Variants in LRMDA observed in about 807,000 individuals in gnomAD.
LRMDA encodes leucine rich melanocyte differentiation associated.
LRMDA carries 18 observed loss-of-function variants against 29.8 expected under a neutral mutation model. That is an observed-to-expected ratio of 0.60 (90% confidence interval 0.42 to 0.90). The LOEUF is 0.90. LRMDA is among the 40% of genes least tolerant of loss of function. The pLI is 0.00. For synonymous variants in LRMDA, 125 were observed against 109.4 expected (o/e 1.14, Z -0.89); for missense variants, 273 against 273.9 (o/e 1.00, Z 0.02).
chr10:75,894,568 T>C (rs528813558), intron 2 of LRMDA, among the ~76,000 whole-genome samples: 1 of 152,212 alleles, frequency 6.6e-6, no homozygotes, highest in Non-Finnish European at 1.5e-5. Context: ...CAAAAGTAGA[T>C]CTACCCCCAG....
chr10:76,054,088 T>A, intron 4 of LRMDA, among the ~76,000 whole-genome samples: 1 of 152,210 alleles, frequency 6.6e-6, no homozygotes, highest in East Asian at 1.9e-4. Context: ...TGTTGGTACT[T>A]GACTCAGGTC....
At chr10:75,676,738 AG>A (rs368467374) in intron 2 of LRMDA, among the ~76,000 whole-genome samples, 20 of 152,236 alleles carry the variant, frequency 1.3e-4, no homozygotes, top group African/African-American at 1.7e-4. Context: ...TCTCTGAAGG[AG>A]TGATTTTCTA....
chr10:76,176,995 A>G (rs1850948418), intron 5 of LRMDA, among the ~76,000 whole-genome samples: 1 of 152,174 alleles, frequency 6.6e-6, no homozygotes, highest in Admixed American at 6.5e-5. Context: ...TGATTTTCCA[A>G]TAGAGTCTTC....
intron 2 of LRMDA, among the ~76,000 whole-genome samples, chr10:75,584,130 C>T (rs1303166270): frequency 6.6e-6 from 1 of 152,162 alleles, no homozygotes; most frequent in African/African-American, 2.4e-5. Context: ...TGCTTTTTCC[C>T]ACAGCTAGCC....
At chr10:75,791,672 T>G (rs1051931971) in intron 2 of LRMDA, among the ~76,000 whole-genome samples, 13 of 152,286 alleles carry the variant, frequency 8.5e-5, no homozygotes, top group African/African-American at 3.1e-4. Context: ...GTAGCTTATT[T>G]TCTAAGGATC....
At chr10:75,870,619 C>G (rs943370633) in intron 2 of LRMDA, among the ~76,000 whole-genome samples, 1 of 152,234 alleles carries the variant, frequency 6.6e-6, no homozygotes, top group African/African-American at 2.4e-5. Flanking sequence ...TCCATCCTCT[C>G]TGCAGCACCT....
chr10:75,477,269 C>T (rs1318041123), intron 2 of LRMDA, among the ~76,000 whole-genome samples: 1 of 152,142 alleles, frequency 6.6e-6, no homozygotes, highest in Non-Finnish European at 1.5e-5. Context: ...CTTGTGAAGA[C>T]ACCAGTCATG....
rs539123872 is a variant in LRMDA at position 76,227,845 on chromosome 10, G to A, written c.517-96556G>A. Among the ~76,000 whole-genome samples the A allele has an allele frequency of 5.9e-5, 9 of 152,094 alleles. No homozygotes were observed. In the East Asian group the frequency reaches 1.7e-3, roughly 29 times the overall value. ...TTTTAGGCCATAAGAGGGATATAGA[G>A]GTATAAGAAGAGAAACTCACAGAGT... On this transcript the variant is annotated intron_variant, in intron 5 of 6. Transcript: ENST00000611255.
In LRMDA at chr10:76,223,341, A is replaced by G. The variant is rs1333030723; in HGVS notation, c.517-101060A>G. ...TTAGGAAATTTCATATTCAAGCTACAGAAGAATTACCTGGTCCAGCCATTT... is the reference window on the plus strand; with the variant it reads ...TTAGGAAATTTCATATTCAAGCTACGGAAGAATTACCTGGTCCAGCCATTT... On this transcript the variant is annotated intron_variant, in intron 5 of 6. Transcript: ENST00000611255. Among the ~76,000 whole-genome samples the G allele has an allele frequency of 2.6e-5, 4 of 152,204 alleles. No individual in the cohort carries two copies. In the East Asian group the frequency reaches 5.8e-4, roughly 22 times the overall value.
rs192880065 is a variant in LRMDA, at chr10:75,787,333, G to A, written c.132-248675G>A. Among the ~76,000 whole-genome samples, 39 of 152,256 alleles carry A rather than the reference G, an allele frequency of 2.6e-4. No homozygotes were observed. The South Asian group carries it at 3.3e-3, about 13-fold the overall frequency. The stretch of plus-strand genomic sequence containing the variant: ...CCTGGGTTGGAGACGTCAGCCTGGC[G>A]GCATAGCCTGTGCTTTCCCCATTAC... On this transcript the variant is annotated intron_variant, in intron 2 of 6. Coordinates refer to ENST00000611255, the MANE Select transcript of LRMDA (RefSeq NM_001305581.2).
At chr10:75,975,849 T>G (rs1472844333) in intron 2 of LRMDA, among the ~76,000 whole-genome samples, 1 of 152,170 alleles carries the variant, frequency 6.6e-6, no homozygotes. Context: ...CCGTTTCCAA[T>G]TCATCACAGA....
Position 75,977,424 on chromosome 10 carries a change from C to A in LRMDA, c.132-58584C>A, listed in dbSNP as rs925304136. On this transcript the variant is annotated intron_variant, in intron 2 of 6. Coordinates refer to ENST00000611255, the MANE Select transcript of LRMDA (RefSeq NM_001305581.2). ...TAACTCCATGGTGACTGTTGGGGGC[C>A]ACACGTCCCCCTCTGTCCAGGGCAT... 3.3e-5 allele frequency among the ~76,000 whole-genome samples: 5 copies of A among 152,178 alleles called. No homozygotes were observed. The East Asian group carries it at 9.6e-4, about 29-fold the overall frequency.
At chr10:75,852,953 A>T (rs1321295897) in intron 2 of LRMDA, among the ~76,000 whole-genome samples, 1 of 152,160 alleles carries the variant, frequency 6.6e-6, no homozygotes, top group African/African-American at 2.4e-5. Context: ...CAAAAGGGGA[A>T]CCAAACACAT....
intron 6 of LRMDA, among the ~76,000 whole-genome samples, chr10:76,459,720 C>T (rs906829035): frequency 1.3e-4 from 19 of 151,994 alleles, no homozygotes; most frequent in African/African-American, 4.1e-4. Flanking sequence ...TGTTTTCACC[C>T]GAATTTTCCT....
intron 2 of LRMDA, among the ~76,000 whole-genome samples, chr10:75,692,247 TAC>T (rs1310183102): frequency 3.0e-5 from 4 of 131,728 alleles, no homozygotes; most frequent in East Asian, 2.1e-4. Flanking sequence ...TATATATATA[TAC>T]ATATATATAT....
intron 2 of LRMDA, among the ~76,000 whole-genome samples, chr10:75,506,252 G>A (rs1845167208): frequency 6.6e-6 from 1 of 152,106 alleles, no homozygotes; most frequent in Non-Finnish European, 1.5e-5. Flanking sequence ...GGTGTGATGG[G>A]GAATAGGAGG....
In LRMDA at chr10:75,515,689, A is replaced by G. The variant is rs570459225; in HGVS notation, c.131+77195A>G. Among the ~76,000 whole-genome samples, 3 of 151,692 alleles carry G rather than the reference A, an allele frequency of 2.0e-5. No homozygotes were observed. In the East Asian group the frequency reaches 5.8e-4, roughly 29 times the overall value. ...GCCACTGTGCCTGGCCATTAATTTT[A>G]TGTTTTTCTTTTTTCTTTTTTTTTA... On this transcript the variant is annotated intron_variant, in intron 2 of 6. Coordinates refer to ENST00000611255, the MANE Select transcript of LRMDA (RefSeq NM_001305581.2).
At chr10:75,906,216 G>A (rs1444588056) in intron 2 of LRMDA, among the ~76,000 whole-genome samples, 3 of 152,196 alleles carry the variant, frequency 2.0e-5, no homozygotes, top group Admixed American at 1.3e-4. Context: ...TTGCATTAAA[G>A]ATTATGGTGC....
chr10:76,284,890 T>G (rs1840252459), intron 5 of LRMDA, among the ~76,000 whole-genome samples: 1 of 152,182 alleles, frequency 6.6e-6, no homozygotes, highest in African/African-American at 2.4e-5. Context: ...CCTTTGCTCC[T>G]CCTTCACCTT....
Sources: allele counts gnomAD v4.1 joint callset (sites outside exome capture counted in the v4.1 genomes callset), GRCh38; gene constraint gnomAD v4.1.1; transcripts MANE v1.5; gene names NCBI Gene and HGNC (gene_info 2026-07-23, HGNC 2026-07-21).